CFH: variants seen among roughly 807,000 people sequenced by gnomAD.
CFH encodes the protein complement factor H.
Under a neutral mutation model 147.3 loss-of-function variants are expected in CFH, and 53 were observed. The observed-to-expected ratio is 0.36, with a 90% CI of 0.29 to 0.45. The LOEUF (loss-of-function observed/expected upper bound fraction) is 0.45. Ranked by LOEUF, CFH falls within the 20% of genes least tolerant of loss-of-function variation. The pLI is 1.00. For missense variants in CFH, 1,380 were observed against 1,498.0 expected (o/e 0.92, Z 1.30); for synonymous variants, 536 against 489.4 (o/e 1.10, Z -1.26).
chr1:196,743,749 T>G lies in CFH; in HGVS notation c.3310+121T>G, dbSNP rs961152411. ...TTTCAAATGCAAATAAAATGACTGATGGTGCTTAAAATTCAATTCTTCCTG... is the reference window on the plus strand; with the variant it reads ...TTTCAAATGCAAATAAAATGACTGAGGGTGCTTAAAATTCAATTCTTCCTG... On this transcript the variant is annotated intron_variant, in intron 20 of 21. Transcript: ENST00000367429. The G allele has an allele frequency of 3.6e-6, 5 of 1,404,206 alleles. No homozygotes were observed. The African/African-American group carries it at 5.7e-5, about 16-fold the overall frequency. The allele number at this position is 1,404,206 out of a possible 1,614,324, so 87.0% of individuals were successfully genotyped here.
intron 1 of CFH, among the ~76,000 whole-genome samples, chr1:196,664,059 G>A (rs1666993399): frequency 7.3e-6 from 1 of 136,958 alleles, no homozygotes; most frequent in South Asian, 2.1e-4. Flanking sequence ...ATGTTTTCCT[G>A]TTTTTTTCCC....
At position 196,689,434 on chromosome 1, in the gene CFH, T is replaced by C. The variant is rs756057049; in HGVS notation, c.979T>C (p.Tyr327His). The change falls in exon 8 of 22, where the codon TAT becomes CAT. Residue 327 changes from tyrosine to histidine, a missense_variant. Transcript: ENST00000367429. ...TTTATTGCAAGTGAAACCTTGTGAT[T>C]ATCCAGACATTAAACATGGAGGTCT... ...APRCTLKPCD[Y>H]PDIKHGGLYH... The C allele has an allele frequency of 1.2e-6, 2 of 1,612,706 alleles. No homozygotes were observed. Among genetic ancestry groups the C allele is most frequent in the African/African-American group, 1.3e-5 (1 of 74,880 alleles).
intron 1 of CFH, among the ~76,000 whole-genome samples, 171 bp downstream of exon 1, chr1:196,652,346 T>G (rs577265282): frequency 1.8e-4 from 27 of 152,172 alleles, no homozygotes; most frequent in Admixed American, 1.6e-3. Flanking sequence ...AGAACCTTAT[T>G]TGAATGGTAT....
intron 20 of CFH, among the ~76,000 whole-genome samples, chr1:196,744,616 C>T (rs1652937363): frequency 6.6e-6 from 1 of 152,032 alleles, no homozygotes; most frequent in Non-Finnish European, 1.5e-5. Flanking sequence ...TCATGTAGAT[C>T]CATTTACACT....
At chr1:196,676,244 CAA>C (rs1339696390) in intron 4 of CFH, among the ~76,000 whole-genome samples, 179 bp downstream of exon 4, 1 of 151,518 alleles carries the variant, frequency 6.6e-6, no homozygotes, top group Non-Finnish European at 1.5e-5. Context: ...TTTCAAAAGC[CAA>C]AAACGAATGC....
intron 9 of CFH, among the ~76,000 whole-genome samples, chr1:196,694,952 A>G (rs7546015): frequency 0.64 from 97,977 of 151,994 alleles, 32,025 homozygotes; most frequent in East Asian, 0.95. Flanking sequence ...CATTCTGTAG[A>G]TTGCCTATTC....
intron 9 of CFH, among the ~76,000 whole-genome samples, chr1:196,712,568 G>C (rs1391406548): frequency 1.3e-5 from 2 of 151,260 alleles, no homozygotes; most frequent in Non-Finnish European, 2.9e-5. Context: ...GCTGAGTTCT[G>C]GGAAGCAACC....
At chr1:196,694,950 A>G (rs1034894155) in intron 9 of CFH, among the ~76,000 whole-genome samples, 1 of 152,166 alleles carries the variant, frequency 6.6e-6, no homozygotes, top group Non-Finnish European at 1.5e-5. Context: ...CCCATTCTGT[A>G]GATTGCCTAT....
intron 1 of CFH, among the ~76,000 whole-genome samples, chr1:196,666,514 C>T (rs928027487): frequency 6.6e-6 from 1 of 151,572 alleles, no homozygotes; most frequent in Non-Finnish European, 1.5e-5. Context: ...TTGCCAAGTG[C>T]GGTGGCTCAC....
At chr1:196,683,750 T>C (rs556611896) in intron 6 of CFH, among the ~76,000 whole-genome samples, 1 of 151,886 alleles carries the variant, frequency 6.6e-6, no homozygotes, top group East Asian at 1.9e-4. Flanking sequence ...ACAGATAATG[T>C]TGAGGAGTGC....
intron 1 of CFH, among the ~76,000 whole-genome samples, chr1:196,660,870 G>T (rs994191028): frequency 6.6e-6 from 1 of 152,110 alleles, no homozygotes; most frequent in Non-Finnish European, 1.5e-5. Context: ...GGGCACAAAC[G>T]TATCACCTGG....
chr1:196,729,079 C>T (rs895495341), intron 15 of CFH, among the ~76,000 whole-genome samples: 10 of 151,884 alleles, frequency 6.6e-5, no homozygotes, highest in Admixed American at 6.6e-4. Flanking sequence ...AGGTTTTATT[C>T]CAGTCTTCTC....
At chr1:196,745,757 T>G in intron 20 of CFH, 60 bp from the exon 21 acceptor site, 2 of 1,611,078 alleles carry the variant, frequency 1.2e-6, no homozygotes, top group Non-Finnish European at 1.7e-6. Flanking sequence ...TTTGCCTTAT[T>G]TGAACTTGTA....
chr1:196,691,765 T>A (rs1225628218), intron 9 of CFH, among the ~76,000 whole-genome samples: 2 of 151,980 alleles, frequency 1.3e-5, no homozygotes, highest in African/African-American at 4.8e-5. Flanking sequence ...TACTACATAA[T>A]AGTCAATCTT....
intron 1 of CFH, among the ~76,000 whole-genome samples, chr1:196,664,723 A>G (rs1667020868): frequency 6.6e-6 from 1 of 152,102 alleles, no homozygotes; most frequent in Non-Finnish European, 1.5e-5. Context: ...TACCCAAACC[A>G]CAATTTTTAA....
intron 11 of CFH, among the ~76,000 whole-genome samples, chr1:196,724,660 C>T (rs1053640641): frequency 6.6e-6 from 1 of 151,472 alleles, no homozygotes; most frequent in South Asian, 2.1e-4. Flanking sequence ...AAATATTTTT[C>T]AAGTTATGAT....
chr1:196,712,950 C>A (rs1482841385), intron 9 of CFH, among the ~76,000 whole-genome samples: 1 of 151,948 alleles, frequency 6.6e-6, no homozygotes, highest in African/African-American at 2.4e-5. Context: ...ATGAACTCCT[C>A]ATTTTTTATG....
intron 5 of CFH, chr1:196,678,888 A>G (rs1667548804): frequency 6.6e-6 from 1 of 152,084 alleles, no homozygotes; most frequent in South Asian, 2.1e-4. Flanking sequence ...AAGGTGGGCC[A>G]ATACATAGTG....
chr1:196,669,445 T>A (rs977588227), intron 1 of CFH, among the ~76,000 whole-genome samples: 5 of 152,090 alleles, frequency 3.3e-5, no homozygotes, highest in Non-Finnish European at 7.4e-5. Flanking sequence ...GGAAAAATGG[T>A]TTTGCAGGCC....
Sources: gnomAD v4.1 joint callset for allele counts (sites outside exome capture counted in the v4.1 genomes callset) on GRCh38, gnomAD v4.1.1 for gene constraint, MANE v1.5 for transcripts, NCBI Gene and HGNC (gene_info 2026-07-23, HGNC 2026-07-21) for gene names.